The following PCDH15 variants were observed in gnomAD, a reference collection of about 807,000 sequenced individuals.
PCDH15 encodes protocadherin-15.
A neutral mutation model predicts 178.5 loss-of-function variants in PCDH15; 129 were observed. The observed-to-expected ratio is 0.72, with a 90% CI of 0.63 to 0.84. PCDH15 has a LOEUF of 0.84. PCDH15 is among the 40% of genes least tolerant of loss of function. PCDH15 has a pLI of 0.00. For synonymous variants in PCDH15, 800 were observed against 732.0 expected, an observed-to-expected ratio of 1.09 and a Z score of -1.50; for missense variants, 2,230 against 2,099.9, an observed-to-expected ratio of 1.06 and a Z score of -1.21.
At chr10:55,391,619 G>A (rs1201481280) in intron 2 of PCDH15, among the ~76,000 whole-genome samples, 1 of 151,684 alleles carries the variant, frequency 6.6e-6, no homozygotes, top group Non-Finnish European at 1.5e-5. Context: ...CCTGAGTAGT[G>A]GGGATTACAG....
chr10:54,791,196 TTAAAA>T (rs1281796244), intron 1 of PCDH15, among the ~76,000 whole-genome samples: 6 of 151,998 alleles, frequency 3.9e-5, no homozygotes, highest in African/African-American at 1.4e-4. Flanking sequence ...TCTTCTTTTC[TTAAAA>T]TAAAAGAAAT....
At chr10:55,149,106 TA>T in intron 2 of PCDH15, among the ~76,000 whole-genome samples, 1 of 151,282 alleles carries the variant, frequency 6.6e-6, no homozygotes, top group Non-Finnish European at 1.5e-5. Flanking sequence ...ATGTAGTGGT[TA>T]AAAAATAAGC....
chr10:54,104,759 C>T (rs1371707522), intron 15 of PCDH15, among the ~76,000 whole-genome samples: 2 of 148,746 alleles, frequency 1.3e-5, no homozygotes, highest in African/African-American at 2.5e-5. Flanking sequence ...ACGGCATGAA[C>T]CCAGGAGGTG....
chr10:54,016,765 A>C (rs2092754100), intron 20 of PCDH15, among the ~76,000 whole-genome samples: 1 of 152,198 alleles, frequency 6.6e-6, no homozygotes, highest in South Asian at 2.1e-4. Context: ...AGGATAAAAA[A>C]ACTACCTATA....
intron 2 of PCDH15, among the ~76,000 whole-genome samples, chr10:55,617,192 T>A (rs1031048194): frequency 2.0e-5 from 3 of 152,092 alleles, no homozygotes; most frequent in Non-Finnish European, 4.4e-5. Context: ...GAGTGTTTAC[T>A]ATAGTTTTCC....
At chr10:55,146,826 A>C (rs1481925294) in intron 2 of PCDH15, among the ~76,000 whole-genome samples, 1 of 148,374 alleles carries the variant, frequency 6.7e-6, no homozygotes, top group Non-Finnish European at 1.5e-5. Flanking sequence ...CAATTATCTC[A>C]AAAGACCAAG....
intron 2 of PCDH15, among the ~76,000 whole-genome samples, chr10:54,579,586 A>G (rs2090842784): frequency 6.6e-6 from 1 of 151,986 alleles, no homozygotes; most frequent in Admixed American, 6.6e-5. Context: ...TCAATGCAAA[A>G]TAACAAAATA....
chr10:54,599,506 T>C (rs531969101), intron 2 of PCDH15, among the ~76,000 whole-genome samples: 40 of 152,068 alleles, frequency 2.6e-4, no homozygotes, highest in African/African-American at 9.6e-4. Context: ...AAAAATCAAT[T>C]CAAAATGTAT....
intron 2 of PCDH15, among the ~76,000 whole-genome samples, chr10:54,556,848 G>T (rs1405925921): frequency 6.6e-6 from 1 of 151,960 alleles, no homozygotes; most frequent in Non-Finnish European, 1.5e-5. Context: ...TTAGCTGTAG[G>T]GGTGTGTCTC....
At chr10:55,415,368 TG>T (rs1429089163) in intron 2 of PCDH15, among the ~76,000 whole-genome samples, 2 of 151,762 alleles carry the variant, frequency 1.3e-5, no homozygotes, top group Admixed American at 1.3e-4. Flanking sequence ...ATTTTTTCCT[TG>T]GTCATATAAT....
At chr10:54,600,489 G>T in intron 2 of PCDH15, 1 of 577,236 alleles carries the variant, frequency 1.7e-6, no homozygotes, top group Non-Finnish European at 3.4e-6. Context: ...AAGATAAAGT[G>T]GTGGTGACCA....
At chr10:55,215,052 T>G (rs1342033084) in intron 1 of PCDH15, among the ~76,000 whole-genome samples, 5 of 152,052 alleles carry the variant, frequency 3.3e-5, no homozygotes, top group African/African-American at 1.2e-4. Flanking sequence ...CATTGTGAAT[T>G]CTTATGTAGG....
chr10:54,994,462 A>T (rs1482432274), intron 2 of PCDH15, among the ~76,000 whole-genome samples: 2 of 152,194 alleles, frequency 1.3e-5, no homozygotes, highest in Non-Finnish European at 2.9e-5. Flanking sequence ...TCTAGAAAAT[A>T]TAAAGTATAT....
chr10:54,341,109 C>A (rs2134075183), intron 6 of PCDH15, among the ~76,000 whole-genome samples: 1 of 152,252 alleles, frequency 6.6e-6, no homozygotes, highest in Admixed American at 6.5e-5. Context: ...AGCCACCTAA[C>A]CATCACCTGA....
At chr10:55,569,393 G>C (rs765676665) in intron 2 of PCDH15, among the ~76,000 whole-genome samples, 30 of 152,014 alleles carry the variant, frequency 2.0e-4, no homozygotes, top group Admixed American at 5.3e-4. Context: ...CCTATATTTA[G>C]TGTTATGCTC....
At chr10:55,031,091 C>T (rs998363271) in intron 2 of PCDH15, among the ~76,000 whole-genome samples, 3 of 151,904 alleles carry the variant, frequency 2.0e-5, no homozygotes, top group African/African-American at 7.3e-5. Context: ...ATTGATGACA[C>T]TGTAAGATTT....
intron 3 of PCDH15, among the ~76,000 whole-genome samples, chr10:54,844,781 T>G (rs1953476380): frequency 6.6e-6 from 1 of 152,002 alleles, no homozygotes; most frequent in Non-Finnish European, 1.5e-5. Context: ...TTGGGAGAAC[T>G]TTTCAATAAA....
At chr10:55,123,654 G>A (rs1371083744) in intron 2 of PCDH15, among the ~76,000 whole-genome samples, 1 of 152,096 alleles carries the variant, frequency 6.6e-6, no homozygotes, top group East Asian at 1.9e-4. Context: ...ATGAAGGAGA[G>A]CCAGTCAAAG....
intron 18 of PCDH15, among the ~76,000 whole-genome samples, chr10:54,066,229 A>C (rs1418802677): frequency 6.6e-6 from 1 of 152,222 alleles, no homozygotes; most frequent in African/African-American, 2.4e-5. Flanking sequence ...TTATTCATCA[A>C]ATGAACCACA....
Sources: gnomAD v4.1 joint callset for allele counts (sites outside exome capture counted in the v4.1 genomes callset) on GRCh38, gnomAD v4.1.1 for gene constraint, MANE v1.5 for transcripts, NCBI Gene and HGNC (gene_info 2026-07-23, HGNC 2026-07-21) for gene names.